Variants in WDR18 observed in about 807,000 individuals in gnomAD.
The protein encoded by WDR18 is WD repeat-containing protein 18.
In WDR18, 33 loss-of-function variants were observed where a neutral mutation model predicts 49.6. The observed-to-expected ratio is 0.67, with a 90% CI of 0.50 to 0.89. WDR18 has a LOEUF of 0.89. WDR18 is among the 40% of genes least tolerant of loss of function. The pLI, the probability that WDR18 is intolerant of heterozygous loss-of-function variation, is 0.00. For missense variants in WDR18, 653 were observed against 593.6 expected (o/e 1.10, Z -1.04); for synonymous variants, 315 against 263.6 (o/e 1.19, Z -1.89).
In WDR18 at chr19:991,064, C is replaced by T. The variant is rs144069035; in HGVS notation, c.742-17C>T. The T allele has an allele frequency of 1.2e-5, 20 of 1,603,224 alleles. No homozygotes were observed. In the African/African-American group the frequency reaches 2.0e-4, roughly 16 times the overall value. On this transcript the variant is annotated splice_polypyrimidine_tract_variant and intron_variant, in intron 5 of 9. Transcript: ENST00000585809. ...GGGCATCGGGCCTGCGGCTCACACACGTCTCGGCCTTCGCAGCCCGGACAG... is the reference window on the plus strand; with the variant it reads ...GGGCATCGGGCCTGCGGCTCACACATGTCTCGGCCTTCGCAGCCCGGACAG...
chr19:989,769 C>T lies in WDR18; in HGVS notation c.329C>T (p.Thr110Ile). The T allele has an allele frequency of 1.2e-6, 2 of 1,612,752 alleles. No individual in the cohort carries two copies. The highest frequency in any genetic ancestry group is 1.7e-6 in the Non-Finnish European group (2 of 1,179,898). The change falls in exon 3 of 10, where the codon ACC (threonine) becomes ATC (isoleucine). Residue 110 changes from threonine (T) to isoleucine (I), a missense_variant. Transcript: ENST00000585809. ...AESIHLWEVS[T>I]GNLLVILSRH... ...ACCCTCTGCCCCTCACAGGTCTCCACCGGGAACCTTCTGGTCATCCTGAGT... is the reference window on the plus strand; with the variant it reads ...ACCCTCTGCCCCTCACAGGTCTCCATCGGGAACCTTCTGGTCATCCTGAGT...
upstream of WDR18, among the ~76,000 whole-genome samples, chr19:984,072 G>A (rs937400882): frequency 6.6e-6 from 1 of 152,222 alleles, no homozygotes; most frequent in African/African-American, 2.4e-5. Context: ...AGGAGGAAAA[G>A]GCCAAGTCAG....
At chr19:992,954 C>T (rs920776872) in intron 8 of WDR18, among the ~76,000 whole-genome samples, 4 of 152,254 alleles carry the variant, frequency 2.6e-5, no homozygotes, top group African/African-American at 4.8e-5. Context: ...GCCCGACAGC[C>T]TGATGGCCTG....
At position 989,019 on chromosome 19, in the gene WDR18, AC is replaced by A. The variant is rs1470176343; in HGVS notation, c.322-737del. ...GAGCATCTCAGCTCTCGAATCCACAACCCCCCACAGAGCATCTCAGGCCTCG... is the reference window on the plus strand; with the variant it reads ...GAGCATCTCAGCTCTCGAATCCACAACCCCCACAGAGCATCTCAGGCCTCG... On this transcript the variant is annotated intron_variant, in intron 2 of 9. Transcript: ENST00000585809. Among the ~76,000 whole-genome samples the A allele has an allele frequency of 2.9e-4, 31 of 108,606 alleles. 1 individual carries two copies. Among genetic ancestry groups the A allele is most frequent in the Admixed American group, 5.4e-4 (6 of 11,034 alleles). The allele number at this position is 108,606 out of a possible 152,430, so 71.2% of individuals were successfully genotyped here.
At chr19:989,688 TCCTGGGGCTGCAGCCCCCCTTTCCTCC>T (rs1297549662) in intron 2 of WDR18, 47 bp from the exon 3 acceptor site, 1 of 1,583,868 alleles carries the variant, frequency 6.3e-7, no homozygotes, top group African/African-American at 1.3e-5. Context: ...AGTGGTGGGT[TCCTGGGGCTGCAGCCCCCCTTTCCTCC>T]CCTGGGGCTT....
rs779520543 is a variant in WDR18 at position 994,065 on chromosome 19, G to C, written c.1144G>C (p.Val382Leu). The C allele has an allele frequency of 2.4e-5, 38 of 1,560,206 alleles. No individual in the cohort carries two copies. The highest frequency in any genetic ancestry group is 3.3e-4 in the Middle Eastern group (2 of 5,972). Residue 382 changes from valine to leucine, a missense_variant, in exon 9 of 10, where the codon GTC (valine) becomes CTC (leucine). Physicochemically the swap from Val to Leu is conservative, Grantham distance 32. Transcript: ENST00000585809. Reference sequence around the variant, plus strand: ...GGACCGCACGGAGCAGCTGCAGGCCGTCCTGTGCAGCACCATGGAGAAGGT... The same window carrying C: ...GGACCGCACGGAGCAGCTGCAGGCCCTCCTGTGCAGCACCATGGAGAAGGT... Reference protein sequence around the residue: ...YLDRTEQLQAVLCSTMEKSVL... With the variant: ...YLDRTEQLQALLCSTMEKSVL...
At position 989,818 on chromosome 19, in the gene WDR18, C is replaced by T. The variant is rs986367154; in HGVS notation, c.378C>T (p.Cys126=). The T allele has an allele frequency of 1.9e-6, 3 of 1,612,842 alleles. No individual in the cohort carries two copies. In the Admixed American group the frequency reaches 5.0e-5, roughly 27 times the overall value. ...ILSRHYQDVS[C]LQFTGDSSHF... The stretch of plus-strand genomic sequence containing the variant: ...GTCGACACTACCAGGACGTCTCCTG[C>T]CTTCAGTTCACAGGGGACAGCAGCC... The change falls in exon 3 of 10, where the codon TGC becomes TGT. Residue 126 remains cysteine, a synonymous_variant. Transcript: ENST00000585809.
intron 2 of WDR18, among the ~76,000 whole-genome samples, chr19:987,596 A>G (rs2038487792): frequency 6.6e-6 from 1 of 151,912 alleles, no homozygotes; most frequent in Non-Finnish European, 1.5e-5. Flanking sequence ...ACTAGGATGC[A>G]GTTGCTGAGA....
chr19:993,043 T>C (rs2145515928), intron 8 of WDR18, among the ~76,000 whole-genome samples: 1 of 152,306 alleles, frequency 6.6e-6, no homozygotes, highest in South Asian at 2.1e-4. Context: ...TTCCCACATC[T>C]ACCAGTGGGC....
chr19:991,405 G>A, intron 7 of WDR18, 54 bp downstream of exon 7: 1 of 1,484,656 alleles, frequency 6.7e-7, no homozygotes, highest in South Asian at 1.3e-5. Flanking sequence ...AAAGCCAGCA[G>A]GAGCTCCGGG....
intron 8 of WDR18, among the ~76,000 whole-genome samples, chr19:992,665 G>A (rs1268949673): frequency 6.6e-6 from 1 of 152,184 alleles, no homozygotes; most frequent in Non-Finnish European, 1.5e-5. Flanking sequence ...CCTTCTGAGG[G>A]TAGAGTGACT....
At chr19:985,254 C>T (rs948394101) in intron 1 of WDR18, among the ~76,000 whole-genome samples, 8 of 152,160 alleles carry the variant, frequency 5.3e-5, no homozygotes, top group African/African-American at 1.7e-4. Flanking sequence ...CAGCCTCTGC[C>T]TCTAGGGTTC....
At chr19:986,905 A>C (rs1212067646) in intron 2 of WDR18, among the ~76,000 whole-genome samples, 1 of 152,234 alleles carries the variant, frequency 6.6e-6, no homozygotes. Context: ...CACATAGAGC[A>C]GGGCAGACAG....
intron 3 of WDR18, 122 bp downstream of exon 3, chr19:990,017 G>T: frequency 6.8e-7 from 1 of 1,459,962 alleles, no homozygotes; most frequent in Non-Finnish European, 9.0e-7. Flanking sequence ...GCAGAGGACG[G>T]AGTGATCATC....
rs2145500286 is a variant in WDR18, at chr19:984,481, G to T, written c.128G>T (p.Gly43Val). The change falls in exon 1 of 10, where the codon GGC becomes GTC. Residue 43 changes from glycine (G) to valine (V), a missense_variant. Coordinates refer to ENST00000585809, the MANE Select transcript of WDR18 (RefSeq NM_024100.4). The part of the protein sequence containing the change: ...TYRGGQAGPR[G>V]LALLNGEYLL... ...CGCGGCGGCCAGGCGGGACCCCGCG[G>T]CCTGGCGCTGCTCAATGGCGAGTAT... The T allele has an allele frequency of 6.4e-7, 1 of 1,572,804 alleles. No individual in the cohort carries two copies. The highest frequency in any genetic ancestry group is 2.4e-5 in the East Asian group (1 of 41,424).
chr19:989,925 T>TGGAACTGCACCC, intron 3 of WDR18, 30 bp downstream of exon 3: 1 of 1,570,166 alleles, frequency 6.4e-7, no homozygotes, highest in Non-Finnish European at 8.6e-7. Flanking sequence ...GGCCTGCACC[T>TGGAACTGCACCC]GGAACTGCAC....
At chr19:984,695 C>T in intron 1 of WDR18, 132 bp downstream of exon 1, 1 of 951,812 alleles carries the variant, frequency 1.1e-6, no homozygotes, top group Non-Finnish European at 1.4e-6. Flanking sequence ...CGTTCGGGCG[C>T]TCTGCGCATG....
chr19:994,400 C>G lies in WDR18; in HGVS notation c.*56C>G. 1 of 1,552,044 alleles carries G rather than the reference C, an allele frequency of 6.4e-7. No individual in the cohort carries two copies. Among genetic ancestry groups the G allele is most frequent in the South Asian group, 1.2e-5 (1 of 85,688 alleles). On this transcript the variant is annotated 3_prime_UTR_variant, in exon 10 of 10. Transcript: ENST00000585809. ...GCCTGAGCCCCATGCCTCCCAGCAACCAGGGCCCGCGGGTGTGGCCCCCAC... is the reference window on the plus strand; with the variant it reads ...GCCTGAGCCCCATGCCTCCCAGCAAGCAGGGCCCGCGGGTGTGGCCCCCAC...
rs751746094 is a variant in WDR18, at chr19:990,235, C to T, written c.468C>T (p.Ala156=). 10 of 1,597,908 alleles carry T rather than the reference C, an allele frequency of 6.3e-6. No individual in the cohort carries two copies. Among genetic ancestry groups the T allele is most frequent in the African/African-American group, 1.3e-5 (1 of 74,958 alleles). Residue 156 remains alanine, a synonymous_variant, in exon 4 of 10, where the codon GCC becomes GCT. Transcript: ENST00000585809. ...LVWSLCSVLQ[A]DPSRIPAPRH... ...CCACCCCGCTCAGCGTGCTGCAGGC[C>T]GACCCCTCCAGGATTCCGGCGCCCA... is the stretch of plus-strand genomic sequence containing the variant.
Sources: allele counts gnomAD v4.1 joint callset (sites outside exome capture counted in the v4.1 genomes callset), GRCh38; gene constraint gnomAD v4.1.1; transcripts MANE v1.5; gene names NCBI Gene and HGNC (gene_info 2026-07-23, HGNC 2026-07-21).